The following FOXP1 variants were observed in gnomAD, a reference collection of about 807,000 sequenced individuals.
FOXP1 encodes the protein forkhead box P1, also known as forkhead box protein P1.
FOXP1 carries 15 observed loss-of-function variants against 98.2 expected under a neutral mutation model. The ratio of observed to expected loss-of-function variants is 0.15; its 90% confidence interval spans 0.10 to 0.24. The LOEUF (loss-of-function observed/expected upper bound fraction) is 0.24, where lower values mean the gene tolerates loss of function less well. Ranked by LOEUF, FOXP1 falls within the 10% of genes least tolerant of loss-of-function variation. The probability of loss-of-function intolerance (pLI) is 1.00; values close to 1 mark genes in which losing one functional copy is unlikely to be tolerated. For missense variants in FOXP1, 633 were observed against 848.5 expected, an observed-to-expected ratio of 0.75 and a Z score of 3.15; for synonymous variants, 371 against 314.5, an observed-to-expected ratio of 1.18 and a Z score of -1.90.
chr3:71,404,987 T>C (rs2082216499), intron 3 of FOXP1, among the ~76,000 whole-genome samples: 1 of 152,166 alleles, frequency 6.6e-6, no homozygotes, highest in Admixed American at 6.5e-5. Flanking sequence ...CGGTACAAAA[T>C]GCCACCCCCA....
chr3:71,232,597 C>A (rs1259346394), intron 5 of FOXP1, among the ~76,000 whole-genome samples: 9 of 151,544 alleles, frequency 5.9e-5, no homozygotes, highest in African/African-American at 1.9e-4. Context: ...ACAAAAAAAA[C>A]AAAAAGAAGA....
intron 3 of FOXP1, among the ~76,000 whole-genome samples, chr3:71,435,252 G>GGA (rs1560482486): frequency 0.011 from 33 of 2,924 alleles, 6 homozygotes; most frequent in African/African-American, 0.037. Flanking sequence ...GGAAGGAAGA[G>GGA]AGGGAGGGAG....
intron 3 of FOXP1, among the ~76,000 whole-genome samples, chr3:71,365,451 C>CA (rs1209204141): frequency 0.032 from 2,574 of 80,044 alleles, 21 homozygotes; most frequent in African/African-American, 0.038. Context: ...TTGCAACAAC[C>CA]AAAAAAAAAA....
chr3:71,011,536 G>C (rs1477376822), intron 12 of FOXP1, among the ~76,000 whole-genome samples: 1 of 152,156 alleles, frequency 6.6e-6, no homozygotes, highest in Non-Finnish European at 1.5e-5. Flanking sequence ...TTAAATATCA[G>C]GATCTAGCCA....
chr3:71,453,619 G>C (rs1044330773), intron 3 of FOXP1, among the ~76,000 whole-genome samples: 1 of 152,104 alleles, frequency 6.6e-6, no homozygotes, highest in Non-Finnish European at 1.5e-5. Flanking sequence ...CCCCAACCTG[G>C]AGAGCCTGAC....
intron 14 of FOXP1, among the ~76,000 whole-genome samples, chr3:70,978,786 CTTTA>C (rs1049440069): frequency 6.6e-6 from 1 of 151,870 alleles, no homozygotes; most frequent in African/African-American, 2.4e-5. Context: ...TATGAATAAC[CTTTA>C]TTAAATCTAT....
chr3:71,176,799 C>T lies in FOXP1; in HGVS notation c.180+21403G>A, dbSNP rs1372470563. Among the ~76,000 whole-genome samples the T allele has an allele frequency of 8.1e-5, 12 of 147,698 alleles. 1 individual carries two copies. Among genetic ancestry groups the T allele is most frequent in the African/African-American group, 5.0e-5 (2 of 39,648 alleles). On this transcript the variant is annotated intron_variant, in intron 6 of 20. Transcript: ENST00000649528. ...GCCGGGGGGCGGGTGCGGTGGCTCA[C>T]GCCTATAATCCCAGCACTTTGGGAG...
At chr3:71,413,158 C>T (rs1483602159) in intron 3 of FOXP1, among the ~76,000 whole-genome samples, 2 of 117,608 alleles carry the variant, frequency 1.7e-5, no homozygotes, top group African/African-American at 6.7e-5. Context: ...ACACATAACC[C>T]CCAAATAGAC....
At chr3:71,389,254 C>CGGGGGGGGGGGGGTGGG (rs1560413261) in intron 3 of FOXP1, among the ~76,000 whole-genome samples, 2 of 6,062 alleles carry the variant, frequency 3.3e-4, no homozygotes, top group Non-Finnish European at 6.5e-4. Context: ...GGGGGGGGGC[C>CGGGGGGGGGGGGGTGGG]GGGGGGGGCG....
At chr3:71,107,697 C>T (rs1575732266) in intron 7 of FOXP1, among the ~76,000 whole-genome samples, 1 of 152,244 alleles carries the variant, frequency 6.6e-6, no homozygotes, top group African/African-American at 2.4e-5. Context: ...ACTTCAAAAC[C>T]ATTCCATTTC....
intron 3 of FOXP1, among the ~76,000 whole-genome samples, chr3:71,366,508 A>G (rs1447694441): frequency 1.3e-5 from 2 of 152,170 alleles, no homozygotes; most frequent in Non-Finnish European, 2.9e-5. Context: ...AATAAAATTA[A>G]CAGTATTTGC....
chr3:71,546,798 T>C (rs1479814232), intron 2 of FOXP1, among the ~76,000 whole-genome samples: 1 of 152,190 alleles, frequency 6.6e-6, no homozygotes, highest in Non-Finnish European at 1.5e-5. Flanking sequence ...GATTTGCTGA[T>C]GGTGATTTCT....
chr3:71,474,251 T>G (rs2089618860), intron 3 of FOXP1, among the ~76,000 whole-genome samples: 1 of 152,114 alleles, frequency 6.6e-6, no homozygotes. Context: ...AAACCACATT[T>G]AACTGGCCAA....
intron 6 of FOXP1, among the ~76,000 whole-genome samples, chr3:71,145,766 T>C (rs536737356): frequency 6.6e-6 from 1 of 152,334 alleles, no homozygotes; most frequent in East Asian, 1.9e-4. Context: ...ATTTCCCTAA[T>C]GTCTAATGAT....
At chr3:71,143,322 C>A (rs2060159320) in intron 6 of FOXP1, among the ~76,000 whole-genome samples, 1 of 152,154 alleles carries the variant, frequency 6.6e-6, no homozygotes, top group African/African-American at 2.4e-5. Flanking sequence ...ATCTTCTTGG[C>A]AGACCATGCA....
At chr3:71,439,531 C>T (rs935607489) in intron 3 of FOXP1, among the ~76,000 whole-genome samples, 30 of 152,186 alleles carry the variant, frequency 2.0e-4, no homozygotes, top group Non-Finnish European at 8.8e-5. Flanking sequence ...AATACTTGTA[C>T]ACCCATGTTC....
At chr3:71,126,257 G>A (rs2059163559) in intron 6 of FOXP1, among the ~76,000 whole-genome samples, 1 of 151,836 alleles carries the variant, frequency 6.6e-6, no homozygotes, top group Non-Finnish European at 1.5e-5. Flanking sequence ...GGCCAAGGCG[G>A]GCGGATCACC....
At chr3:71,412,288 A>C (rs528793127) in intron 3 of FOXP1, among the ~76,000 whole-genome samples, 2 of 152,312 alleles carry the variant, frequency 1.3e-5, no homozygotes, top group East Asian at 1.9e-4. Flanking sequence ...ATGAGGGCTC[A>C]AAGTTACTAT....
chr3:71,055,612 C>T (rs1045337042), intron 7 of FOXP1, among the ~76,000 whole-genome samples: 1 of 152,214 alleles, frequency 6.6e-6, no homozygotes, highest in African/African-American at 2.4e-5. Flanking sequence ...ATTATCAAAA[C>T]ATCTAACCAT....
Sources: allele counts gnomAD v4.1 joint callset (sites outside exome capture counted in the v4.1 genomes callset), GRCh38; gene constraint gnomAD v4.1.1; transcripts MANE v1.5; gene names NCBI Gene and HGNC (gene_info 2026-07-23, HGNC 2026-07-21).